The following GRB10 variants were observed in gnomAD, a reference collection of about 807,000 sequenced individuals.
GRB10 encodes growth factor receptor bound protein 10, also known as growth factor receptor-bound protein 10.
Under a neutral mutation model 80.9 loss-of-function variants are expected in GRB10, and 20 were observed. That is an observed-to-expected ratio of 0.25 (90% CI 0.17 to 0.36). GRB10 has a LOEUF of 0.36. GRB10 is among the 10% of genes least tolerant of loss of function. The pLI is 1.00. For synonymous variants in GRB10, 291 were observed against 291.5 expected, an observed-to-expected ratio of 1.00 and a Z score of 0.02; for missense variants, 548 against 747.7, an observed-to-expected ratio of 0.73 and a Z score of 3.12.
intron 2 of GRB10, among the ~76,000 whole-genome samples, chr7:50,769,443 C>T (rs1434654227): frequency 1.3e-5 from 2 of 152,172 alleles, no homozygotes; most frequent in Non-Finnish European, 2.9e-5. Flanking sequence ...TGCTTAGCTT[C>T]TCTTGGCAAA....
chr7:50,665,080 C>T (rs2059664082), intron 7 of GRB10, among the ~76,000 whole-genome samples: 1 of 152,202 alleles, frequency 6.6e-6, no homozygotes, highest in Admixed American at 6.5e-5. Context: ...AGAAGCTATA[C>T]CTTCCAATGA....
chr7:50,670,350 T>C (rs1030812685), intron 6 of GRB10, among the ~76,000 whole-genome samples: 1 of 152,142 alleles, frequency 6.6e-6, no homozygotes, highest in Admixed American at 6.5e-5. Flanking sequence ...CTGGAGATTG[T>C]ACAACCATTG....
intron 4 of GRB10, among the ~76,000 whole-genome samples, chr7:50,715,303 G>A (rs905014808): frequency 6.6e-6 from 1 of 151,608 alleles, no homozygotes; most frequent in East Asian, 1.9e-4. Flanking sequence ...AGAGGACGGC[G>A]GTTCATAGTG....
chr7:50,712,599 A>G (rs542285178), intron 4 of GRB10, among the ~76,000 whole-genome samples: 61 of 152,328 alleles, frequency 4.0e-4, no homozygotes, highest in African/African-American at 1.4e-3. Flanking sequence ...TTTCACTAAA[A>G]TCATACGGCC....
intron 5 of GRB10, among the ~76,000 whole-genome samples, chr7:50,681,400 T>C (rs2061529980): frequency 6.6e-6 from 1 of 152,216 alleles, no homozygotes; most frequent in Non-Finnish European, 1.5e-5. Flanking sequence ...TAGTCCCAAC[T>C]CGAGGGGCGA....
chr7:50,720,550 C>A (rs781347167), intron 4 of GRB10, among the ~76,000 whole-genome samples: 5 of 152,092 alleles, frequency 3.3e-5, no homozygotes, highest in Non-Finnish European at 7.4e-5. Context: ...GGGAGCCCAG[C>A]ACATATGGCA....
chr7:50,753,762 A>G (rs1162592669), intron 3 of GRB10, among the ~76,000 whole-genome samples: 1 of 152,240 alleles, frequency 6.6e-6, no homozygotes, highest in African/African-American at 2.4e-5. Context: ...TTTTGTTTCA[A>G]TGCCATGTCC....
At chr7:50,614,741 C>A in intron 12 of GRB10, 29 bp downstream of exon 12, 1 of 1,412,622 alleles carries the variant, frequency 7.1e-7, no homozygotes, top group Non-Finnish European at 1.0e-6. Context: ...GCTGAGCATG[C>A]GCGCCGTCTG....
intron 5 of GRB10, among the ~76,000 whole-genome samples, chr7:50,693,692 A>T (rs2063093476): frequency 6.6e-6 from 1 of 152,144 alleles, no homozygotes; most frequent in African/African-American, 2.4e-5. Flanking sequence ...TCACACACAC[A>T]GCCCTGTTCT....
Position 50,644,952 on chromosome 7 carries a change from G to A in GRB10, c.505-17974C>T, listed in dbSNP as rs111576115. Among the ~76,000 whole-genome samples, 1,470 of 152,278 alleles carry A rather than the reference G, an allele frequency of 9.7e-3. 19 individuals are homozygous for A. Among genetic ancestry groups the A allele is most frequent in the South Asian group, 0.021 (100 of 4,828 alleles). On this transcript the variant is annotated intron_variant, in intron 7 of 18. Transcript: ENST00000401949. Reference sequence around the variant, plus strand: ...TCTGAGAAGCTGAGAGACACAGCAGGCACAGGATGGCTAAAACACTGCAAA... The same window carrying A: ...TCTGAGAAGCTGAGAGACACAGCAGACACAGGATGGCTAAAACACTGCAAA...
intron 4 of GRB10, among the ~76,000 whole-genome samples, chr7:50,712,939 T>G (rs758738995): frequency 1.3e-5 from 2 of 152,244 alleles, no homozygotes; most frequent in African/African-American, 2.4e-5. Context: ...TTTAGAACAT[T>G]TCCATCACCC....
intron 14 of GRB10, among the ~76,000 whole-genome samples, 175 bp from the exon 15 acceptor site, chr7:50,605,581 G>A (rs1371982975): frequency 6.6e-6 from 1 of 152,146 alleles, no homozygotes; most frequent in East Asian, 1.9e-4. Flanking sequence ...AAAATTCAGT[G>A]GCCCCTTCAG....
chr7:50,754,327 T>C (rs956194999), intron 3 of GRB10, among the ~76,000 whole-genome samples: 19 of 152,224 alleles, frequency 1.2e-4, no homozygotes, highest in Non-Finnish European at 2.6e-4. Flanking sequence ...GGAGGTCTGC[T>C]ACCTTCACTC....
At chr7:50,617,398 A>T (rs2050849300) in intron 10 of GRB10, among the ~76,000 whole-genome samples, 1 of 151,918 alleles carries the variant, frequency 6.6e-6, no homozygotes, top group South Asian at 2.1e-4. Flanking sequence ...TTATTCTCTC[A>T]CTTTTAACAT....
chr7:50,676,322 G>A (rs74809540), intron 5 of GRB10, among the ~76,000 whole-genome samples: 3,228 of 127,590 alleles, frequency 0.025, 146 homozygotes, highest in African/African-American at 0.096. Flanking sequence ...CTTAGCAATA[G>A]TGTCCACCCC....
chr7:50,664,542 G>A lies in GRB10; in HGVS notation c.504+5180C>T, dbSNP rs924595028. ...GCACCTGGCCCAAGTCCCAGGTCTCGGAGCACATCCTTCTGTGGTGCCCCT... is the reference window on the plus strand; with the variant it reads ...GCACCTGGCCCAAGTCCCAGGTCTCAGAGCACATCCTTCTGTGGTGCCCCT... On this transcript the variant is annotated intron_variant, in intron 7 of 18. Coordinates refer to ENST00000401949, the MANE Select transcript of GRB10 (RefSeq NM_001350814.2). Among the ~76,000 whole-genome samples, 3 of 152,206 alleles carry A rather than the reference G, an allele frequency of 2.0e-5. No individual in the cohort carries two copies. In the East Asian group the frequency reaches 5.8e-4, roughly 29 times the overall value.
intron 5 of GRB10, among the ~76,000 whole-genome samples, chr7:50,677,042 T>A (rs372526970): frequency 2.0e-5 from 3 of 151,802 alleles, no homozygotes; most frequent in Admixed American, 2.0e-4. Flanking sequence ...AAGAGGAAGG[T>A]TGCCTTAGAA....
At chr7:50,601,969 T>TGAG (rs1004761420) in intron 17 of GRB10, among the ~76,000 whole-genome samples, 34 of 152,214 alleles carry the variant, frequency 2.2e-4, no homozygotes, top group African/African-American at 6.7e-4. Flanking sequence ...CATTGGCCAA[T>TGAG]GAGGGGCAAA....
At chr7:50,695,714 C>T (rs2063346471) in intron 5 of GRB10, among the ~76,000 whole-genome samples, 1 of 152,120 alleles carries the variant, frequency 6.6e-6, no homozygotes, top group Non-Finnish European at 1.5e-5. Flanking sequence ...TCTTTTGTTC[C>T]TTCCTGTCTG....
Sources: allele counts gnomAD v4.1 joint callset (sites outside exome capture counted in the v4.1 genomes callset), GRCh38; gene constraint gnomAD v4.1.1; transcripts MANE v1.5; gene names NCBI Gene and HGNC (gene_info 2026-07-23, HGNC 2026-07-21).